Variants in SUGCT observed in about 807,000 individuals in gnomAD.
SUGCT encodes succinyl-CoA:glutarate CoA-transferase.
In SUGCT, 41 loss-of-function variants were observed where a neutral mutation model predicts 55.0. That is an observed-to-expected ratio of 0.74 (90% CI 0.58 to 0.97). The LOEUF (loss-of-function observed/expected upper bound fraction) is 0.97, where lower values mean the gene tolerates loss of function less well. SUGCT is among the 50% of genes least tolerant of loss of function. The pLI is 0.00. For synonymous variants in SUGCT, 187 were observed against 200.4 expected, an observed-to-expected ratio of 0.93 and a Z score of 0.56; for missense variants, 568 against 547.8, an observed-to-expected ratio of 1.04 and a Z score of -0.37.
the SUGCT span, among the ~76,000 whole-genome samples, chr7:41,027,596 A>G: frequency 6.6e-6 from 1 of 152,184 alleles, no homozygotes; most frequent in African/African-American, 2.4e-5. Context: ...CTTTATATGT[A>G]CTACAGTTTG....
chr7:40,622,630 T>A (rs1260195130), intron 12 of SUGCT, among the ~76,000 whole-genome samples: 1 of 151,582 alleles, frequency 6.6e-6, no homozygotes, highest in African/African-American at 2.4e-5. Context: ...GGTGACTTAT[T>A]CTTAAAATGA....
chr7:41,024,853 GA>G, the SUGCT span, among the ~76,000 whole-genome samples: 2 of 152,186 alleles, frequency 1.3e-5, no homozygotes, highest in East Asian at 3.9e-4. Flanking sequence ...ATATGCACGA[GA>G]ACCATATACT....
At chr7:40,274,182 A>T (rs1216800181) in intron 7 of SUGCT, among the ~76,000 whole-genome samples, 1 of 146,102 alleles carries the variant, frequency 6.8e-6, no homozygotes, top group Non-Finnish European at 1.5e-5. Context: ...AATTCAATTA[A>T]TTTTTTTAGC....
At chr7:40,717,128 TATGCTGAGGAAATAATCAAGAATAC>T (rs1786062693) in intron 12 of SUGCT, among the ~76,000 whole-genome samples, 1 of 152,206 alleles carries the variant, frequency 6.6e-6, no homozygotes. Flanking sequence ...TTCTTGAATG[TATGCTGAGGAAATAATCAAGAATAC>T]ATAGAAAGAT....
At chr7:40,302,450 A>G (rs2151080341) in intron 8 of SUGCT, among the ~76,000 whole-genome samples, 1 of 152,270 alleles carries the variant, frequency 6.6e-6, no homozygotes, top group Middle Eastern at 3.4e-3. Flanking sequence ...AACACAAACT[A>G]TGATTTTATA....
rs556716546 is a variant in SUGCT at position 40,210,018 on chromosome 7, G to A, written c.484+14958G>A. Among the ~76,000 whole-genome samples the A allele has an allele frequency of 6.6e-5, 10 of 151,876 alleles. 1 individual carries two copies. In the South Asian group the frequency reaches 1.7e-3, roughly 25 times the overall value. On this transcript the variant is annotated intron_variant, in intron 6 of 13. Transcript: ENST00000335693. ...GTTAGATGCATCCAGAATCTGACATGTTCTCTTATCATCCTCATACCTTGA... is the reference window on the plus strand; with the variant it reads ...GTTAGATGCATCCAGAATCTGACATATTCTCTTATCATCCTCATACCTTGA...
intron 8 of SUGCT, among the ~76,000 whole-genome samples, chr7:40,283,591 A>G (rs975606350): frequency 3.3e-5 from 5 of 152,170 alleles, no homozygotes; most frequent in Non-Finnish European, 5.9e-5. Flanking sequence ...GTCCAACACT[A>G]TGAATCATCA....
At chr7:41,036,084 C>T in the SUGCT span, among the ~76,000 whole-genome samples, 3 of 152,352 alleles carry the variant, frequency 2.0e-5, no homozygotes, top group Admixed American at 6.5e-5. Context: ...CAGGTCCCCT[C>T]ACTGTGGGAA....
intron 1 of SUGCT, among the ~76,000 whole-genome samples, chr7:40,146,743 T>C (rs949926272): frequency 2.0e-5 from 3 of 152,336 alleles, no homozygotes; most frequent in African/African-American, 7.2e-5. Flanking sequence ...ATCACGAGCA[T>C]GTCACCGTGC....
At chr7:40,526,105 T>C (rs945292095) in intron 12 of SUGCT, among the ~76,000 whole-genome samples, 4 of 152,210 alleles carry the variant, frequency 2.6e-5, no homozygotes, top group Non-Finnish European at 5.9e-5. Context: ...TTTAAAGGTA[T>C]GCAAAAATCC....
rs1563050827 is a variant in SUGCT at position 40,854,464 on chromosome 7, C to CTTTCTTTCT, written c.1154-5849_1154-5841dup. 6.5e-5 allele frequency among the ~76,000 whole-genome samples: 9 copies of CTTTCTTTCT among 137,650 alleles called. 1 individual carries two copies. Among genetic ancestry groups the CTTTCTTTCT allele is most frequent in the Non-Finnish European group, 1.3e-4 (8 of 63,856 alleles). 90.3% of individuals were successfully genotyped at this position (137,650 alleles called of 152,430 possible). On this transcript the variant is annotated intron_variant, in intron 13 of 13. Coordinates refer to ENST00000335693, the MANE Select transcript of SUGCT (RefSeq NM_001193313.2). ...TCTTTCTTTCTTTCTTTCTTTCTTT[C>CTTTCTTTCT]TTTCTTTCTTTCTCTTTCTCTCTTT...
intron 9 of SUGCT, among the ~76,000 whole-genome samples, chr7:40,351,921 A>T (rs1402559610): frequency 6.6e-6 from 1 of 152,214 alleles, no homozygotes; most frequent in Non-Finnish European, 1.5e-5. Context: ...TTTTAATGCA[A>T]AGTTAATGTC....
intron 11 of SUGCT, among the ~76,000 whole-genome samples, chr7:40,460,035 T>G (rs745722545): frequency 1.3e-5 from 2 of 152,174 alleles, no homozygotes; most frequent in Non-Finnish European, 2.9e-5. Flanking sequence ...GGTAATTTTG[T>G]TTAAATACCA....
intron 9 of SUGCT, among the ~76,000 whole-genome samples, chr7:40,417,741 A>G (rs1787084728): frequency 6.6e-6 from 1 of 151,180 alleles, no homozygotes; most frequent in Non-Finnish European, 1.5e-5. Flanking sequence ...TATTAATTAT[A>G]TTATTAAATT....
chr7:40,137,693 A>G (rs1407403858), intron 1 of SUGCT, among the ~76,000 whole-genome samples: 5 of 151,896 alleles, frequency 3.3e-5, no homozygotes, highest in Admixed American at 3.3e-4. Flanking sequence ...TTATTTATTT[A>G]AGTATTGAGA....
the SUGCT span, among the ~76,000 whole-genome samples, chr7:41,019,784 T>C: frequency 6.6e-6 from 1 of 152,176 alleles, no homozygotes; most frequent in African/African-American, 2.4e-5. Flanking sequence ...TCTTGGAAGG[T>C]GGAAGAAACA....
intron 12 of SUGCT, among the ~76,000 whole-genome samples, chr7:40,589,370 G>A (rs1327820872): frequency 6.6e-6 from 1 of 152,114 alleles, no homozygotes; most frequent in African/African-American, 2.4e-5. Context: ...TAAGGCACCA[G>A]CATCTTAGGG....
At chr7:40,503,180 T>C (rs1476126048) in intron 12 of SUGCT, among the ~76,000 whole-genome samples, 2 of 152,108 alleles carry the variant, frequency 1.3e-5, no homozygotes, top group Admixed American at 6.6e-5. Flanking sequence ...TTAACCTTGA[T>C]TGAGAGACAT....
At chr7:40,169,129 A>G (rs1230938066) in intron 1 of SUGCT, among the ~76,000 whole-genome samples, 1 of 152,140 alleles carries the variant, frequency 6.6e-6, no homozygotes, top group African/African-American at 2.4e-5. Flanking sequence ...TAGAGTCTGT[A>G]TATATATTTA....
Sources: allele counts gnomAD v4.1 joint callset (sites outside exome capture counted in the v4.1 genomes callset), GRCh38; gene constraint gnomAD v4.1.1; transcripts MANE v1.5; gene names NCBI Gene and HGNC (gene_info 2026-07-23, HGNC 2026-07-21).